Variants in BDKRB1 observed in about 807,000 individuals in gnomAD.
BDKRB1 encodes bradykinin receptor B1.
For missense variants in BDKRB1, 414 were observed against 441.4 expected (o/e 0.94, Z 0.56); for synonymous variants, 192 against 189.1 (o/e 1.02, Z -0.13).
chr14:96,256,893 G>A (rs1035465364), intron 1 of BDKRB1, among the ~76,000 whole-genome samples: 90 of 152,192 alleles, frequency 5.9e-4, no homozygotes, highest in Non-Finnish European at 2.5e-4. Context: ...AGGTTAAAAT[G>A]TGCAGAATTC....
chr14:96,262,642 G>C lies in BDKRB1; in HGVS notation c.-129-10G>C, dbSNP rs1223766862. 5.2e-6 allele frequency: 1 copy of C among 194,174 alleles called. No individual in the cohort carries two copies. Among genetic ancestry groups the C allele is most frequent in the Admixed American group, 5.8e-5 (1 of 17,236 alleles). 12.0% of individuals were successfully genotyped at this position (194,174 alleles called of 1,614,324 possible). ...TTTTTTTTTTGTTGTTGTTGTTGTT[G>C]TTGAGACAGGGTCTCAGTCCGTCGG... is the stretch of plus-strand genomic sequence containing the variant. On this transcript the variant is annotated splice_polypyrimidine_tract_variant and intron_variant, in intron 1 of 2. Coordinates refer to ENST00000216629, the MANE Select transcript of BDKRB1 (RefSeq NM_000710.4).
intron 2 of BDKRB1, 80 bp from the exon 3 acceptor site, chr14:96,263,592 CA>C: frequency 4.9e-6 from 7 of 1,431,280 alleles, no homozygotes; most frequent in Non-Finnish European, 6.5e-6. Flanking sequence ...CTTTATTGTC[CA>C]AAAACAGGTG....
rs919344101 is a variant in BDKRB1 at position 96,256,298 on chromosome 14, T to G, written c.-132T>G. On this transcript the variant is annotated splice_region_variant and 5_prime_UTR_variant, in exon 1 of 3. Transcript: ENST00000216629. ...GTTGTGAACGCCTTCATTTTCTGCC[T>G]GAGTAAGTAAATGACCACCTTTTTT... 6.6e-6 allele frequency: 1 copy of G among 151,946 alleles called. No individual in the cohort carries two copies. The highest frequency in any genetic ancestry group is 1.5e-5 in the Non-Finnish European group (1 of 68,010). The allele number at this position is 151,946 out of a possible 1,614,324, so 9.4% of individuals were successfully genotyped here. A position where few individuals can be genotyped will look rare whatever the true frequency, so the allele number is the denominator to read the frequency against.
rs765990196 is a variant in BDKRB1, at chr14:96,264,334, A to G, written c.652A>G (p.Ile218Val). 1 of 1,614,192 alleles carries G rather than the reference A, an allele frequency of 6.2e-7. No homozygotes were observed. The highest frequency in any genetic ancestry group is 1.1e-5 in the South Asian group (1 of 91,084). ...GGGTTTCCTCCTACCACTGGCTGCGATCGTCTTCTTCAACTACCACATCCT... is the reference window on the plus strand; with the variant it reads ...GGGTTTCCTCCTACCACTGGCTGCGGTCGTCTTCTTCAACTACCACATCCT... ...ILGFLLPLAA[I>V]VFFNYHILAS... Residue 218 changes from isoleucine to valine, a missense_variant, in exon 3 of 3, where the codon ATC becomes GTC. Transcript: ENST00000216629.
At chr14:96,262,610 T>TCC in intron 1 of BDKRB1, 42 bp from the exon 2 acceptor site, 1 of 248,264 alleles carries the variant, frequency 4.0e-6, no homozygotes, top group South Asian at 2.6e-5. Flanking sequence ...TCTCTCCTTT[T>TCC]TTTTTTTTTT....
At position 96,263,855 on chromosome 14, in the gene BDKRB1, T is replaced by G; in HGVS notation, c.173T>G (p.Val58Gly). The G allele has an allele frequency of 1.2e-6, 2 of 1,614,212 alleles. No homozygotes were observed. The highest frequency in any genetic ancestry group is 2.2e-5 in the South Asian group (2 of 91,086). Residue 58 changes from valine (V) to glycine (G), a missense_variant, in exon 3 of 3, where the codon GTC becomes GGC. By Grantham distance (109) the Val-to-Gly change is moderately radical. Coordinates refer to ENST00000216629, the MANE Select transcript of BDKRB1 (RefSeq NM_000710.4). ...CFFGLLGNLF[V>G]LLVFLLPRRQ... ...TTCGGCCTCCTAGGGAACCTTTTTG[T>G]CCTGTTGGTCTTCCTCCTGCCCCGG...
rs1885826925 is a variant in BDKRB1 at position 96,264,090 on chromosome 14, C to G, written c.408C>G (p.Tyr136Ter). ...FLVVAISQDR[Y>*]RVLVHPMASR... Reference sequence around the variant, plus strand: ...TGGTGGCCATCAGCCAGGACCGCTACCGCGTGCTGGTGCACCCTATGGCCA... The same window carrying G: ...TGGTGGCCATCAGCCAGGACCGCTAGCGCGTGCTGGTGCACCCTATGGCCA... Residue 136 changes from tyrosine to a stop codon, truncating the protein, a stop_gained, in exon 3 of 3, where the codon TAC (tyrosine) becomes TAG (stop). Coordinates refer to ENST00000216629, the MANE Select transcript of BDKRB1 (RefSeq NM_000710.4). LOFTEE classifies it low-confidence loss of function (END_TRUNC). 1 of 1,605,292 alleles carries G rather than the reference C, an allele frequency of 6.2e-7. No individual in the cohort carries two copies.
At position 96,264,001 on chromosome 14, in the gene BDKRB1, G is replaced by A; in HGVS notation, c.319G>A (p.Ala107Thr). Residue 107 changes from alanine to threonine, a missense_variant, in exon 3 of 3, where the codon GCC becomes ACC. Ala to Thr is a moderately conservative substitution (Grantham distance 58). Transcript: ENST00000216629. Reference protein sequence around the residue: ...IWNQFNWPFGALLCRVINGVI... With the variant: ...IWNQFNWPFGTLLCRVINGVI... ...GAACCAGTTTAACTGGCCTTTCGGA[G>A]CCCTCCTCTGCCGTGTCATCAACGG... The A allele has an allele frequency of 6.2e-7, 1 of 1,614,194 alleles. No homozygotes were observed. The highest frequency in any genetic ancestry group is 8.5e-7 in the Non-Finnish European group (1 of 1,180,026).
intron 1 of BDKRB1, among the ~76,000 whole-genome samples, chr14:96,261,044 C>A (rs1306686973): frequency 6.6e-6 from 1 of 152,176 alleles, no homozygotes; most frequent in Non-Finnish European, 1.5e-5. Context: ...CTGATGACAA[C>A]TTCATACTTC....
chr14:96,259,276 C>CG (rs1167230019), intron 1 of BDKRB1: 7 of 137,808 alleles, frequency 5.1e-5, no homozygotes, highest in African/African-American at 1.2e-4. Flanking sequence ...TGCTGAGACT[C>CG]AATGTCCACT....
Position 96,263,680 on chromosome 14 carries a change from T to G in BDKRB1, c.-3T>G. The G allele has an allele frequency of 1.2e-6, 2 of 1,611,350 alleles. No individual in the cohort carries two copies. The highest frequency in any genetic ancestry group is 1.3e-5 in the African/African-American group (1 of 74,882). On this transcript the variant is annotated 5_prime_UTR_variant, in exon 3 of 3. Coordinates refer to ENST00000216629, the MANE Select transcript of BDKRB1 (RefSeq NM_000710.4). ...ACCTTCTGTTCATTTCAGGTCACTG[T>G]GCATGGCATCATCCTGGCCCCCTCT...
intron 1 of BDKRB1, among the ~76,000 whole-genome samples, chr14:96,258,661 C>T (rs1885672832): frequency 1.3e-5 from 2 of 152,180 alleles, no homozygotes; most frequent in South Asian, 2.1e-4. Context: ...GCTGGGATTA[C>T]AGGCGCCTGC....
chr14:96,258,793 T>A (rs753026551), intron 1 of BDKRB1, among the ~76,000 whole-genome samples: 25 of 152,280 alleles, frequency 1.6e-4, no homozygotes, highest in Middle Eastern at 3.4e-3. Context: ...AGTGCTGGGA[T>A]TACAGGCATG....
At chr14:96,263,411 C>T (rs571080487) in intron 2 of BDKRB1, among the ~76,000 whole-genome samples, 110 of 152,274 alleles carry the variant, frequency 7.2e-4, no homozygotes, top group African/African-American at 2.6e-3. Context: ...ACTCAGGCAC[C>T]ATCCCTTAAA....
rs1322664878 is a variant in BDKRB1 at position 96,264,092 on chromosome 14, G to A, written c.410G>A (p.Arg137His). The part of the protein sequence containing the change: ...LVVAISQDRY[R>H]VLVHPMASRR... ...GTGGCCATCAGCCAGGACCGCTACCGCGTGCTGGTGCACCCTATGGCCAGC... is the reference window on the plus strand; with the variant it reads ...GTGGCCATCAGCCAGGACCGCTACCACGTGCTGGTGCACCCTATGGCCAGC... The change falls in exon 3 of 3, where the codon CGC becomes CAC. Residue 137 changes from arginine to histidine, a missense_variant. Arg to His is a conservative substitution (Grantham distance 29). Transcript: ENST00000216629. 8 of 1,604,018 alleles carry A rather than the reference G, an allele frequency of 5.0e-6. No individual in the cohort carries two copies. Among genetic ancestry groups the A allele is most frequent in the African/African-American group, 1.3e-5 (1 of 74,848 alleles).
Position 96,264,608 on chromosome 14 carries a change from C to T in BDKRB1, c.926C>T (p.Pro309Leu), listed in dbSNP as rs1385037649. ...FFAFTNSSLN[P>L]VIYVFVGRLF... ...GCCTTCACTAACAGCTCCCTGAATC[C>T]AGTAATTTATGTCTTTGTGGGCCGG... Residue 309 changes from proline (P) to leucine (L), a missense_variant, in exon 3 of 3, where the codon CCA becomes CTA. Pro to Leu is a moderately conservative substitution (Grantham distance 98, BLOSUM62 -3). Transcript: ENST00000216629. 1 of 1,614,182 alleles carries T rather than the reference C, an allele frequency of 6.2e-7. No individual in the cohort carries two copies. The highest frequency in any genetic ancestry group is 1.7e-5 in the Admixed American group (1 of 60,032).
chr14:96,262,038 T>C (rs1885762635), intron 1 of BDKRB1, among the ~76,000 whole-genome samples: 1 of 152,206 alleles, frequency 6.6e-6, no homozygotes, highest in African/African-American at 2.4e-5. Context: ...GCTATGAACA[T>C]GAGCTATGGG....
At chr14:96,261,991 C>T (rs1325445743) in intron 1 of BDKRB1, among the ~76,000 whole-genome samples, 1 of 152,234 alleles carries the variant, frequency 6.6e-6, no homozygotes, top group African/African-American at 2.4e-5. Context: ...CCCGGTGAAA[C>T]TCAGCATGGG....
rs1489632037 is a variant in BDKRB1, at chr14:96,262,665, C to T, written c.-116C>T. On this transcript the variant is annotated 5_prime_UTR_variant, in exon 2 of 3. Transcript: ENST00000216629. Reference sequence around the variant, plus strand: ...TTGTTGAGACAGGGTCTCAGTCCGTCGGCCCAGACTGAAGTGCAGTGGCAC... The same window carrying T: ...TTGTTGAGACAGGGTCTCAGTCCGTTGGCCCAGACTGAAGTGCAGTGGCAC... 74 of 436,396 alleles carry T rather than the reference C, an allele frequency of 1.7e-4. No individual in the cohort carries two copies. The highest frequency in any genetic ancestry group is 2.8e-4 in the Non-Finnish European group (63 of 222,852). The allele number at this position is 436,396 out of a possible 1,614,324, so 27.0% of individuals were successfully genotyped here. A position where few individuals can be genotyped will look rare whatever the true frequency, so the allele number is the denominator to read the frequency against.
Sources: gnomAD v4.1 joint callset for allele counts (sites outside exome capture counted in the v4.1 genomes callset) on GRCh38, gnomAD v4.1.1 for gene constraint, MANE v1.5 for transcripts, NCBI Gene and HGNC (gene_info 2026-07-23, HGNC 2026-07-21) for gene names.